Variants in HMCN1 observed in about 807,000 individuals in gnomAD.
HMCN1 encodes hemicentin 1, also known as hemicentin-1.
In HMCN1, 321 loss-of-function variants were observed where a neutral mutation model predicts 625.9. That is an observed-to-expected ratio of 0.51 (90% CI 0.47 to 0.56). The LOEUF is 0.56. Among genes scored for constraint, HMCN1 ranks in the 20% least tolerant of loss-of-function variants. The pLI is 0.00. For missense variants in HMCN1, 6,588 were observed against 6,887.3 expected (o/e 0.96, Z 1.54); for synonymous variants, 2,425 against 2,417.6 (o/e 1.00, Z -0.09).
intron 4 of HMCN1, among the ~76,000 whole-genome samples, chr1:185,866,133 AGTT>A (rs1663175310): frequency 1.3e-5 from 2 of 152,234 alleles, no homozygotes; most frequent in African/African-American, 2.4e-5. Flanking sequence ...AAATTTTTGT[AGTT>A]GTTCAGTAAG....
At chr1:185,886,491 A>G (rs1252942871) in intron 4 of HMCN1, among the ~76,000 whole-genome samples, 1 of 152,020 alleles carries the variant, frequency 6.6e-6, no homozygotes, top group East Asian at 1.9e-4. Flanking sequence ...AGTCTTTTTA[A>G]TTCATCTCTT....
chr1:186,184,727 A>G (rs1468534337), intron 105 of HMCN1, among the ~76,000 whole-genome samples: 2 of 152,204 alleles, frequency 1.3e-5, no homozygotes, highest in Admixed American at 6.5e-5. Flanking sequence ...TTTAGTATTC[A>G]GAAGCACTAG....
intron 42 of HMCN1, among the ~76,000 whole-genome samples, chr1:186,051,880 AAG>A (rs1413464047): frequency 3.3e-5 from 5 of 152,112 alleles, no homozygotes; most frequent in African/African-American, 1.2e-4. Flanking sequence ...TGAGAGCAAA[AAG>A]AACAGAGAAG....
At chr1:186,144,504 A>G (rs1650160476) in intron 90 of HMCN1, 29 bp from the exon 91 acceptor site, 7 of 1,614,082 alleles carry the variant, frequency 4.3e-6, no homozygotes, top group East Asian at 2.2e-5. Context: ...AGGTAGTAAG[A>G]AAGCATGTAC....
At chr1:185,846,128 G>A (rs988118368) in intron 2 of HMCN1, 32 bp downstream of exon 2, 16 of 1,476,504 alleles carry the variant, frequency 1.1e-5, no homozygotes, top group Non-Finnish European at 1.4e-5. Context: ...TCTCTTGGGG[G>A]AATGGAAAAT....
intron 45 of HMCN1, 68 bp from the exon 46 acceptor site, chr1:186,057,166 C>A: frequency 8.3e-7 from 1 of 1,202,864 alleles, no homozygotes; most frequent in Non-Finnish European, 1.2e-6. Flanking sequence ...TATACAACAT[C>A]AGGTATATCA....
intron 63 of HMCN1, 134 bp downstream of exon 63, chr1:186,088,889 T>C: frequency 1.1e-6 from 1 of 882,030 alleles, no homozygotes; most frequent in East Asian, 2.7e-5. Flanking sequence ...ATCATCAGTT[T>C]TCTGTCTTAT....
At chr1:186,117,204 T>G in intron 76 of HMCN1, 89 bp downstream of exon 76, 4 of 1,554,560 alleles carry the variant, frequency 2.6e-6, no homozygotes, top group Non-Finnish European at 3.5e-6. Context: ...CTTTTCTTTT[T>G]TTTTTTAAAC....
At chr1:185,754,137 G>A (rs1476929943) in intron 1 of HMCN1, among the ~76,000 whole-genome samples, 2 of 152,146 alleles carry the variant, frequency 1.3e-5, no homozygotes, top group African/African-American at 4.8e-5. Context: ...GAACCCAGAA[G>A]ACATTATGCT....
rs1299464300 is a variant in HMCN1, at chr1:186,056,201, A to G, written c.7144+527A>G. On this transcript the variant is annotated intron_variant, in intron 45 of 106. Coordinates refer to ENST00000271588, the MANE Select transcript of HMCN1 (RefSeq NM_031935.3). ...TATAATTTTTATAGCTATAGGAACA[A>G]TGGTAAATTTAATGGACACAAATCT... 3.3e-5 allele frequency among the ~76,000 whole-genome samples: 5 copies of G among 152,044 alleles called. No individual in the cohort carries two copies. The East Asian group carries it at 9.6e-4, about 29-fold the overall frequency.
At chr1:186,062,483 C>A (rs1657768079) in intron 47 of HMCN1, 31 bp from the exon 48 acceptor site, 1 of 1,302,776 alleles carries the variant, frequency 7.7e-7, no homozygotes, top group Non-Finnish European at 1.1e-6. Flanking sequence ...CTGTTAAGAG[C>A]TGTTATTTTG....
At chr1:186,182,863 C>T (rs565203815) in intron 105 of HMCN1, among the ~76,000 whole-genome samples, 1 of 151,984 alleles carries the variant, frequency 6.6e-6, no homozygotes, top group African/African-American at 2.4e-5. Flanking sequence ...ATAAAACAAA[C>T]AAAATATAGC....
intron 56 of HMCN1, 140 bp from the exon 57 acceptor site, chr1:186,082,725 A>G (rs1450193909): frequency 2.6e-6 from 1 of 382,212 alleles, no homozygotes; most frequent in African/African-American, 2.1e-5. Context: ...AAAAGCTAGC[A>G]TCAGCACTAG....
Position 186,144,269 on chromosome 1 carries a change from C to A in HMCN1, c.14021C>A (p.Pro4674Gln), listed in dbSNP as rs149773199. Residue 4674 changes from proline to glutamine, a missense_variant, in exon 90 of 107, where the codon CCA becomes CAA. Physicochemically the swap from Pro to Gln is moderately conservative, Grantham distance 76. This residue lies in a region of HMCN1 where 1,954 missense variants were observed against 2,013.1 expected (regional missense o/e 0.97). Coordinates refer to ENST00000271588, the MANE Select transcript of HMCN1 (RefSeq NM_031935.3). ...QTRARLCNNP[P>Q]PAFGGSYCDG... Reference sequence around the variant, plus strand: ...AGAGCAAGACTTTGTAATAACCCACCACCAGCGTTTGGTGGGTCCTACTGT... The same window carrying A: ...AGAGCAAGACTTTGTAATAACCCACAACCAGCGTTTGGTGGGTCCTACTGT... The A allele has an allele frequency of 1.2e-6, 2 of 1,613,918 alleles. No homozygotes were observed. The highest frequency in any genetic ancestry group is 2.7e-5 in the African/African-American group (2 of 74,918).
intron 1 of HMCN1, among the ~76,000 whole-genome samples, chr1:185,758,628 C>T (rs1187684326): frequency 6.6e-6 from 1 of 151,622 alleles, no homozygotes; most frequent in Non-Finnish European, 1.5e-5. Flanking sequence ...AGAGGGAGAC[C>T]CTGTTACAAA....
intron 102 of HMCN1, among the ~76,000 whole-genome samples, chr1:186,172,951 C>A (rs1337067387): frequency 1.3e-5 from 2 of 152,040 alleles, no homozygotes; most frequent in Non-Finnish European, 2.9e-5. Context: ...AAAATGATCA[C>A]ATTTAAATAT....
At chr1:185,962,712 G>GTCTCA in intron 12 of HMCN1, 53 bp downstream of exon 12, 1 of 1,007,282 alleles carries the variant, frequency 9.9e-7, no homozygotes, top group Admixed American at 1.7e-5. Flanking sequence ...AAATTGATGA[G>GTCTCA]ACTTCTGGAC....
intron 89 of HMCN1, among the ~76,000 whole-genome samples, chr1:186,138,833 GTC>G (rs1024299511): frequency 6.6e-6 from 1 of 152,218 alleles, no homozygotes. Context: ...TGGGTGAACT[GTC>G]TACCTAGTGT....
intron 15 of HMCN1, among the ~76,000 whole-genome samples, chr1:185,971,536 A>T (rs1238617981): frequency 6.6e-6 from 1 of 152,190 alleles, no homozygotes; most frequent in Non-Finnish European, 1.5e-5. Flanking sequence ...ATTGCATTCA[A>T]TTGTCCTCTA....
Sources: gnomAD v4.1 joint callset for allele counts (sites outside exome capture counted in the v4.1 genomes callset) on GRCh38, gnomAD v4.1.1 for gene constraint, gnomAD v4.1.1 regional missense constraint, MANE v1.5 for transcripts, NCBI Gene and HGNC (gene_info 2026-07-23, HGNC 2026-07-21) for gene names.